Variants in CEP131 observed in about 807,000 individuals in gnomAD.
The protein encoded by CEP131 is centrosomal protein of 131 kDa.
Under a neutral mutation model 136.8 loss-of-function variants are expected in CEP131, and 99 were observed. That is an observed-to-expected ratio of 0.72 (90% CI 0.62 to 0.86). The LOEUF is 0.86. Ranked by LOEUF, CEP131 falls within the 40% of genes least tolerant of loss-of-function variation. CEP131 has a pLI of 0.00. For missense variants in CEP131, 1,459 were observed against 1,463.0 expected (o/e 1.00, Z 0.04); for synonymous variants, 646 against 612.7 (o/e 1.05, Z -0.80).
chr17:81,198,311 G>C lies in CEP131; in HGVS notation c.1288-14C>G. Reference sequence around the variant, plus strand: ...GGCAAGAACGTCCTGCAAAAGAGCAGGGAGACAGATGCAGCAAGGCTGCTG... The same window carrying C: ...GGCAAGAACGTCCTGCAAAAGAGCACGGAGACAGATGCAGCAAGGCTGCTG... On this transcript the variant is annotated splice_polypyrimidine_tract_variant and intron_variant, in intron 11 of 25. Transcript: ENST00000450824. 6.3e-7 allele frequency: 1 copy of C among 1,581,592 alleles called. No homozygotes were observed. Among genetic ancestry groups the C allele is most frequent in the Non-Finnish European group, 8.6e-7 (1 of 1,161,652 alleles).
At chr17:81,200,570 T>C in intron 7 of CEP131, 124 bp from the exon 8 acceptor site, 1 of 724,380 alleles carries the variant, frequency 1.4e-6, no homozygotes, top group East Asian at 2.9e-5. Context: ...GTAGCCCTTT[T>C]CACAAGGCAG....
rs369275244 is a variant in CEP131, at chr17:81,196,929, C to G, written c.1773+1G>C. On this transcript the variant is annotated splice_donor_variant, in intron 14 of 25. Coordinates refer to ENST00000450824, the MANE Select transcript of CEP131 (RefSeq NM_014984.4). LOFTEE classifies it high-confidence loss of function. The stretch of plus-strand genomic sequence containing the variant: ...GGGATTAGCAGTGCCAGCAGCGTTA[C>G]CAGCGCTCTCTGCAGCAGCAGCATG... 6.2e-7 allele frequency: 1 copy of G among 1,609,466 alleles called. No homozygotes were observed. The highest frequency in any genetic ancestry group is 8.5e-7 in the Non-Finnish European group (1 of 1,178,474).
chr17:81,194,827 AC>A, intron 17 of CEP131, 42 bp downstream of exon 17: 1 of 1,509,026 alleles, frequency 6.6e-7, no homozygotes, highest in Non-Finnish European at 9.2e-7. Context: ...TGGCCGCAGC[AC>A]CCACCCCACA....
Position 81,203,385 on chromosome 17 carries a change from G to C in CEP131, c.629+109C>G. 1.2e-6 allele frequency: 1 copy of C among 844,822 alleles called. No homozygotes were observed. The highest frequency in any genetic ancestry group is 1.9e-6 in the Non-Finnish European group (1 of 534,710). The allele number at this position is 844,822 out of a possible 1,614,324, so 52.3% of individuals were successfully genotyped here. On this transcript the variant is annotated intron_variant, in intron 6 of 25. Coordinates refer to ENST00000450824, the MANE Select transcript of CEP131 (RefSeq NM_014984.4). This position sits in a 1 kb window ranked among gnomAD's most constrained non-coding sequence, Gnocchi z 4.6. ...CATGCCCTGACCAAGGTAGAACCCTGTGTGAACTGACCGCGTGCCCTGACC... is the reference window on the plus strand; with the variant it reads ...CATGCCCTGACCAAGGTAGAACCCTCTGTGAACTGACCGCGTGCCCTGACC...
chr17:81,197,013 AC>A lies in CEP131; in HGVS notation c.1689del (p.Ser564ProfsTer3). The A allele has an allele frequency of 6.3e-7, 1 of 1,595,048 alleles. No homozygotes were observed. The highest frequency in any genetic ancestry group is 1.7e-5 in the Admixed American group (1 of 58,044). On this transcript the variant is annotated frameshift_variant, in exon 14 of 26. Coordinates refer to ENST00000450824, the MANE Select transcript of CEP131 (RefSeq NM_014984.4). LOFTEE classifies it high-confidence loss of function. ...PEAGPGPLELGSEVSTSVMRL... is the reference protein window; with the variant it reads ...PEAGPGPLELXSEVSTSVMRL... ...CGCATCACAGACGTGCTCACCTCGG[AC>A]CCCAGCTCCAGGGGCCCCGGCCCCG... is the stretch of plus-strand genomic sequence containing the variant.
rs747155678 is a variant in CEP131 at position 81,219,958 on chromosome 17, A to G, written c.99T>C (p.Pro33=). The G allele has an allele frequency of 6.2e-7, 1 of 1,612,120 alleles. No homozygotes were observed. Among genetic ancestry groups the G allele is most frequent in the Non-Finnish European group, 8.5e-7 (1 of 1,179,262 alleles). The change falls in exon 2 of 26, where the codon CCT becomes CCC. Residue 33 remains proline (P), a synonymous_variant. Transcript: ENST00000450824. The surrounding 1 kb of genome is among the most constrained non-coding windows in gnomAD (Gnocchi z 4.0). ...TGGGCTTGGTGGTGGCGGCACTGCC[A>G]GGACGCCGGGACACAGGCGGAGGGA... ...TGLPPPVSRR[P]GSAATTKPIV...
At chr17:81,218,582 C>A (rs1004312469) in intron 2 of CEP131, among the ~76,000 whole-genome samples, 7 of 152,274 alleles carry the variant, frequency 4.6e-5, no homozygotes, top group African/African-American at 1.4e-4. Flanking sequence ...TAGAGGCGTA[C>A]CACATCTTTA....
At chr17:81,199,868 C>A (rs1250483248) in intron 8 of CEP131, 33 bp from the exon 9 acceptor site, 9 of 1,602,644 alleles carry the variant, frequency 5.6e-6, no homozygotes, top group Non-Finnish European at 7.7e-6. Context: ...GTGGCGTTTA[C>A]ATCTGGAAGA....
At position 81,197,733 on chromosome 17, in the gene CEP131, G is replaced by A. The variant is rs1567857129; in HGVS notation, c.1626C>T (p.Asp542=). The part of the protein sequence containing the change: ...FLDEMEKSGQ[D]QLDSQQEGWV... ...CCACCTCCTGCTGGGAGTCCAGCTG[G>A]TCCTGCCCAGACTTCTCCATCTCGT... Residue 542 remains aspartate (D), a synonymous_variant, in exon 13 of 26, where the codon GAC becomes GAT. Coordinates refer to ENST00000450824, the MANE Select transcript of CEP131 (RefSeq NM_014984.4). 6.2e-7 allele frequency: 1 copy of A among 1,612,328 alleles called. No individual in the cohort carries two copies. Among genetic ancestry groups the A allele is most frequent in the East Asian group, 2.2e-5 (1 of 44,880 alleles).
rs200658151 is a variant in CEP131, at chr17:81,197,760, C to A, written c.1599G>T (p.Leu533Phe). The A allele has an allele frequency of 6.4e-5, 103 of 1,613,130 alleles. No homozygotes were observed. Among genetic ancestry groups the A allele is most frequent in the Non-Finnish European group, 8.6e-5 (101 of 1,179,920 alleles). Reference protein sequence around the residue: ...EAKLQSIMSFLDEMEKSGQDQ... With the variant: ...EAKLQSIMSFFDEMEKSGQDQ... Reference sequence around the variant, plus strand: ...CCTGCCCAGACTTCTCCATCTCGTCCAAGAAGCTCATGATGCTTTGTAGCT... The same window carrying A: ...CCTGCCCAGACTTCTCCATCTCGTCAAAGAAGCTCATGATGCTTTGTAGCT... The change falls in exon 13 of 26, where the codon TTG becomes TTT. Residue 533 changes from leucine (L) to phenylalanine (F), a missense_variant. Transcript: ENST00000450824.
At chr17:81,201,405 G>A (rs919030326) in intron 7 of CEP131, among the ~76,000 whole-genome samples, 7 of 152,110 alleles carry the variant, frequency 4.6e-5, no homozygotes, top group African/African-American at 9.7e-5. Flanking sequence ...AGGAGGCTCC[G>A]CCCACAGCCC....
In CEP131 at chr17:81,190,029, G is replaced by C. The variant is rs112158522; in HGVS notation, c.3108-54C>G. ...GTGGCCCCCGCCCCATGTCCCCAGA[G>C]TGGCCTGCAGTGCACAGGGTGCACG... On this transcript the variant is annotated intron_variant, in intron 24 of 25. Coordinates refer to ENST00000450824, the MANE Select transcript of CEP131 (RefSeq NM_014984.4). 9,212 of 1,505,022 alleles carry C rather than the reference G, an allele frequency of 6.1e-3. 320 individuals carry two copies. In the African/African-American group the frequency reaches 0.086, roughly 14 times the overall value. The allele number at this position is 1,505,022 out of a possible 1,614,324, so 93.2% of individuals were successfully genotyped here.
At chr17:81,217,189 A>C (rs1013958865) in intron 2 of CEP131, among the ~76,000 whole-genome samples, 5 of 152,208 alleles carry the variant, frequency 3.3e-5, no homozygotes, top group Non-Finnish European at 5.9e-5. Context: ...TCAGGTGGGC[A>C]CACAGCTGGG....
intron 16 of CEP131, 93 bp downstream of exon 16, chr17:81,195,742 C>T: frequency 8.7e-7 from 1 of 1,143,896 alleles, no homozygotes; most frequent in East Asian, 2.4e-5. Flanking sequence ...GGAATGAGGA[C>T]TCCAAGTCCG....
chr17:81,204,215 A>G (rs561668653), intron 5 of CEP131: 18 of 152,708 alleles, frequency 1.2e-4, no homozygotes, highest in African/African-American at 4.3e-4. Flanking sequence ...AGGCATGGAC[A>G]GGCTTTGAGG....
In CEP131 at chr17:81,197,752, A is replaced by T; in HGVS notation, c.1607T>A (p.Met536Lys). Residue 536 changes from methionine (M) to lysine (K), a missense_variant, in exon 13 of 26, where the codon ATG (methionine) becomes AAG (lysine). This residue lies in a region of CEP131 where 1,026 missense variants were observed against 964.2 expected (regional missense o/e 1.06). Transcript: ENST00000450824. ...CAGCTGGTCCTGCCCAGACTTCTCCATCTCGTCCAAGAAGCTCATGATGCT... is the reference window on the plus strand; with the variant it reads ...CAGCTGGTCCTGCCCAGACTTCTCCTTCTCGTCCAAGAAGCTCATGATGCT... ...LQSIMSFLDE[M>K]EKSGQDQLDS... 2 of 1,612,906 alleles carry T rather than the reference A, an allele frequency of 1.2e-6. No homozygotes were observed. The highest frequency in any genetic ancestry group is 1.7e-6 in the Non-Finnish European group (2 of 1,179,806).
chr17:81,197,481 C>T (rs969771906), intron 13 of CEP131: 24 of 629,488 alleles, frequency 3.8e-5, no homozygotes, highest in Admixed American at 6.5e-5. Context: ...ATGGGGAATG[C>T]GGGCCCTGCC....
At chr17:81,212,293 G>T (rs983990715) in intron 2 of CEP131, among the ~76,000 whole-genome samples, 2 of 147,484 alleles carry the variant, frequency 1.4e-5, no homozygotes, top group Admixed American at 1.4e-4. Context: ...CTGCACTCCA[G>T]CCTGGGCGAC....
At chr17:81,220,901 T>C (rs190483350) in intron 1 of CEP131, among the ~76,000 whole-genome samples, 44 of 151,898 alleles carry the variant, frequency 2.9e-4, no homozygotes, top group Admixed American at 2.6e-3. Context: ...GGCAGGCAGA[T>C]TGCCTGAGCT....
Sources: allele counts gnomAD v4.1 joint callset (sites outside exome capture counted in the v4.1 genomes callset), GRCh38; gene constraint gnomAD v4.1.1; regional missense constraint gnomAD v4.1.1; non-coding constraint Gnocchi (gnomAD v3.1); transcripts MANE v1.5; gene names NCBI Gene and HGNC (gene_info 2026-07-23, HGNC 2026-07-21).